Variants in PRELID2 observed in about 807,000 individuals in gnomAD.
PRELID2 encodes the protein PRELI domain-containing protein 2.
In PRELID2, 25 loss-of-function variants were observed where a neutral mutation model predicts 28.4. The observed-to-expected ratio is 0.88, with a 90% CI of 0.64 to 1.23. PRELID2 has a LOEUF of 1.23. Ranked by LOEUF, PRELID2 falls within the 50% of genes most tolerant of loss-of-function variation. The pLI, the probability that PRELID2 is intolerant of heterozygous loss-of-function variation, is 0.00. For missense variants in PRELID2, 201 were observed against 214.4 expected, an observed-to-expected ratio of 0.94 and a Z score of 0.39; for synonymous variants, 76 against 71.6, an observed-to-expected ratio of 1.06 and a Z score of -0.31.
chr5:145,452,319 T>C, the PRELID2 span, among the ~76,000 whole-genome samples: 1 of 152,184 alleles, frequency 6.6e-6, no homozygotes, highest in Non-Finnish European at 1.5e-5. Flanking sequence ...TTCTACCTCT[T>C]CCTTCTCCTG....
At chr5:145,651,181 G>A (rs866425664) in intron 1 of PRELID2, among the ~76,000 whole-genome samples, 7 of 152,250 alleles carry the variant, frequency 4.6e-5, no homozygotes, top group Middle Eastern at 3.4e-3. Flanking sequence ...GTCTGAGATC[G>A]AACTGCAAGA....
intron 1 of PRELID2, among the ~76,000 whole-genome samples, chr5:145,519,208 C>A (rs981458722): frequency 1.1e-4 from 16 of 152,202 alleles, no homozygotes; most frequent in African/African-American, 3.6e-4. Context: ...GGCTCCCAAA[C>A]ACCGAGTTAA....
the PRELID2 span, among the ~76,000 whole-genome samples, chr5:145,298,200 T>C: frequency 2.0e-5 from 3 of 152,114 alleles, no homozygotes; most frequent in Non-Finnish European, 2.9e-5. Flanking sequence ...GGAGGCATCA[T>C]GCTACCTGAC....
At chr5:145,301,949 T>TTTTTTTTTTTTTTTG in the PRELID2 span, among the ~76,000 whole-genome samples, 1 of 136,858 alleles carries the variant, frequency 7.3e-6, no homozygotes, top group Non-Finnish European at 1.6e-5. Context: ...TTTTTTTTTT[T>TTTTTTTTTTTTTTTG]GCTAACTCTG....
chr5:145,601,199 T>A (rs1753390979), intron 1 of PRELID2, among the ~76,000 whole-genome samples: 1 of 151,868 alleles, frequency 6.6e-6, no homozygotes, highest in Admixed American at 6.6e-5. Flanking sequence ...CCAGAAATAT[T>A]TTGGAAAAAT....
At chr5:145,653,210 T>A (rs528601758) in intron 1 of PRELID2, among the ~76,000 whole-genome samples, 11 of 152,288 alleles carry the variant, frequency 7.2e-5, no homozygotes, top group South Asian at 2.1e-4. Flanking sequence ...CTATCCTAAA[T>A]ATATATGCAC....
intron 1 of PRELID2, among the ~76,000 whole-genome samples, chr5:145,719,738 T>C (rs1279409367): frequency 6.6e-6 from 1 of 151,716 alleles, no homozygotes; most frequent in Non-Finnish European, 1.5e-5. Flanking sequence ...AACCTAAAAT[T>C]GAAACATTCA....
At chr5:145,350,893 G>T in the PRELID2 span, among the ~76,000 whole-genome samples, 3 of 152,130 alleles carry the variant, frequency 2.0e-5, no homozygotes, top group Non-Finnish European at 4.4e-5. Context: ...GTGAGATTTG[G>T]TCTTAGAACA....
the PRELID2 span, among the ~76,000 whole-genome samples, chr5:145,371,220 T>C: frequency 6.6e-6 from 1 of 152,166 alleles, no homozygotes; most frequent in African/African-American, 2.4e-5. Flanking sequence ...TTCCAGCTTT[T>C]GCCCATTCAA....
At chr5:145,383,630 A>G in the PRELID2 span, among the ~76,000 whole-genome samples, 1 of 151,790 alleles carries the variant, frequency 6.6e-6, no homozygotes, top group Non-Finnish European at 1.5e-5. Flanking sequence ...TGCAAAAAAA[A>G]AAAAACCTCA....
intron 1 of PRELID2, among the ~76,000 whole-genome samples, chr5:145,679,533 T>C (rs1754891352): frequency 6.6e-6 from 1 of 152,152 alleles, no homozygotes; most frequent in Non-Finnish European, 1.5e-5. Flanking sequence ...CTTTGCTTGC[T>C]AGGATACAGT....
the PRELID2 span, among the ~76,000 whole-genome samples, chr5:145,290,013 T>C: frequency 2.0e-5 from 3 of 152,176 alleles, no homozygotes; most frequent in Admixed American, 6.5e-5. Flanking sequence ...TCATCATCAC[T>C]GGCCATCAGA....
At chr5:145,456,889 T>G in the PRELID2 span, among the ~76,000 whole-genome samples, 1 of 152,194 alleles carries the variant, frequency 6.6e-6, no homozygotes, top group Non-Finnish European at 1.5e-5. Context: ...AAAGCTGACA[T>G]TCAAAGAGAA....
the PRELID2 span, among the ~76,000 whole-genome samples, chr5:145,302,688 A>G: frequency 3.9e-3 from 587 of 152,134 alleles, 8 homozygotes; most frequent in Middle Eastern, 0.028. Context: ...TGTGATTAGT[A>G]TTAATATATT....
chr5:145,372,693 T>G, the PRELID2 span, among the ~76,000 whole-genome samples: 1 of 151,430 alleles, frequency 6.6e-6, no homozygotes, highest in African/African-American at 2.4e-5. Context: ...GCTTTTCATT[T>G]GCTTGGTAAA....
chr5:145,732,262 T>A (rs1465620251), intron 1 of PRELID2, among the ~76,000 whole-genome samples: 1 of 152,206 alleles, frequency 6.6e-6, no homozygotes, highest in African/African-American at 2.4e-5. Flanking sequence ...CTGTCTCCCA[T>A]CTACTTTATC....
At chr5:145,472,591 A>C (rs1371823847) in intron 2 of PRELID2, among the ~76,000 whole-genome samples, 1 of 152,176 alleles carries the variant, frequency 6.6e-6, no homozygotes, top group Non-Finnish European at 1.5e-5. Context: ...AATAGCCCCC[A>C]GCCCTTTATG....
At chr5:145,320,765 GCTGA>G in the PRELID2 span, among the ~76,000 whole-genome samples, 9 of 152,112 alleles carry the variant, frequency 5.9e-5, no homozygotes, top group Non-Finnish European at 8.8e-5. Flanking sequence ...AAAAATATGT[GCTGA>G]CTTTTTGTTG....
chr5:145,776,166 T>C (rs990385), intron 5 of PRELID2, among the ~76,000 whole-genome samples: 10,442 of 152,194 alleles, frequency 0.069, 824 homozygotes, highest in African/African-American at 0.19. Context: ...AAAAAATTCA[T>C]AAGTTTTTAG....
Sources: gnomAD v4.1 joint callset for allele counts (sites outside exome capture counted in the v4.1 genomes callset) on GRCh38, gnomAD v4.1.1 for gene constraint, MANE v1.5 for transcripts, NCBI Gene and HGNC (gene_info 2026-07-23, HGNC 2026-07-21) for gene names.